LMF1: variants seen among roughly 807,000 people sequenced by gnomAD.
The protein encoded by LMF1 is lipase maturation factor 1, also known as transmembrane protein 112.
LMF1 carries 68 observed loss-of-function variants against 60.6 expected under a neutral mutation model. The ratio of observed to expected loss-of-function variants is 1.12; its 90% CI spans 0.92 to 1.37. The LOEUF (loss-of-function observed/expected upper bound fraction) is 1.37. Ranked by LOEUF, LMF1 falls within the 40% of genes most tolerant of loss-of-function variation. LMF1 has a pLI of 0.00. For synonymous variants in LMF1, 418 were observed against 324.7 expected (o/e 1.29, Z -3.09); for missense variants, 948 against 767.2 (o/e 1.24, Z -2.78).
chr16:976,847 C>A, intron 1 of LMF1: 1 of 454,158 alleles, frequency 2.2e-6, no homozygotes, highest in Non-Finnish European at 4.4e-6. Context: ...ATCCTTTCCA[C>A]ATGCGAACAG....
intron 2 of LMF1, among the ~76,000 whole-genome samples, chr16:952,173 G>C (rs1376653776): frequency 6.6e-6 from 1 of 152,146 alleles, no homozygotes; most frequent in Non-Finnish European, 1.5e-5. Context: ...GTTGAATGAG[G>C]TGACACACTC....
chr16:891,405 TG>T (rs2070484272), intron 5 of LMF1, among the ~76,000 whole-genome samples: 2 of 152,332 alleles, frequency 1.3e-5, no homozygotes, highest in African/African-American at 2.4e-5. Context: ...TGTTTGTTTG[TG>T]GGGACATGGT....
intron 3 of LMF1, among the ~76,000 whole-genome samples, chr16:922,605 T>C (rs1287090709): frequency 4.1e-5 from 6 of 146,070 alleles, no homozygotes. Flanking sequence ...TTTTCTGGTG[T>C]GATGTGGTGT....
intron 10 of LMF1, among the ~76,000 whole-genome samples, chr16:862,218 G>A (rs555211295): frequency 2.7e-5 from 4 of 149,282 alleles, no homozygotes; most frequent in East Asian, 2.0e-4. Flanking sequence ...CTCTGTTGCC[G>A]AGGCTGGAGT....
rs2070079855 is a variant in LMF1, at chr16:878,990, G to A, written c.897+580C>T. ...TCGGGACTGGCCCAGCCCCCCTGGAGGCAGCGTGGGGGTGCTCTGTCCTTC... is the reference window on the plus strand; with the variant it reads ...TCGGGACTGGCCCAGCCCCCCTGGAAGCAGCGTGGGGGTGCTCTGTCCTTC... On this transcript the variant is annotated intron_variant, in intron 6 of 10. Transcript: ENST00000262301. This position sits in a 1 kb window ranked among gnomAD's most constrained non-coding sequence, Gnocchi z 5.2. Among the ~76,000 whole-genome samples, 1 of 152,180 alleles carries A rather than the reference G, an allele frequency of 6.6e-6. No homozygotes were observed. Among genetic ancestry groups the A allele is most frequent in the East Asian group, 1.9e-4 (1 of 5,190 alleles).
rs59297838 is a variant in LMF1 at position 923,573 on chromosome 16, C to T, written c.514+10671G>A. Among the ~76,000 whole-genome samples, 925 of 152,196 alleles carry T rather than the reference C, an allele frequency of 6.1e-3. 13 individuals are homozygous for T. The highest frequency in any genetic ancestry group is 0.021 in the African/African-American group (861 of 41,524). Reference sequence around the variant, plus strand: ...CTAGCCTGAGCAACAGAGCAAGATCCCAGCTCTAAAAAAGAGAAATCCTCC... The same window carrying T: ...CTAGCCTGAGCAACAGAGCAAGATCTCAGCTCTAAAAAAGAGAAATCCTCC... On this transcript the variant is annotated intron_variant, in intron 3 of 10. Coordinates refer to ENST00000262301, the MANE Select transcript of LMF1 (RefSeq NM_022773.4).
rs1156928442 is a variant in LMF1, at chr16:874,065, G to A, written c.898-2724C>T. ...GGCGGGTGTGAGGGTCTCCTTTGCC[G>A]GGTGTGGGGGGGGTATGGGAAGTTC... On this transcript the variant is annotated intron_variant, in intron 6 of 10. Transcript: ENST00000262301. This position sits in a 1 kb window ranked among gnomAD's most constrained non-coding sequence, Gnocchi z 4.1. Among the ~76,000 whole-genome samples, 1 of 152,228 alleles carries A rather than the reference G, an allele frequency of 6.6e-6. No individual in the cohort carries two copies. Among genetic ancestry groups the A allele is most frequent in the Admixed American group, 6.5e-5 (1 of 15,294 alleles).
intron 1 of LMF1, chr16:968,360 G>A (rs2072969929): frequency 6.6e-6 from 1 of 152,220 alleles, no homozygotes; most frequent in Non-Finnish European, 1.5e-5. Flanking sequence ...TTTAACAAGG[G>A]GAGTTTCCAC....
At chr16:919,477 G>C (rs773842468) in intron 3 of LMF1, among the ~76,000 whole-genome samples, 3 of 152,228 alleles carry the variant, frequency 2.0e-5, no homozygotes, top group Admixed American at 2.0e-4. Context: ...GCGCTCGCGT[G>C]AGGACAGCAG....
chr16:964,295 CAAAAAAA>C (rs68176791), intron 1 of LMF1, among the ~76,000 whole-genome samples: 6 of 63,826 alleles, frequency 9.4e-5, no homozygotes, highest in Non-Finnish European at 1.3e-4. Context: ...AACTCTGTCT[CAAAAAAA>C]AAAAAAAAAA....
chr16:954,011 C>A (rs781421756), intron 2 of LMF1, among the ~76,000 whole-genome samples: 2 of 107,472 alleles, frequency 1.9e-5, no homozygotes, highest in Non-Finnish European at 3.9e-5. Flanking sequence ...TCCTACACGT[C>A]CACACAGACA....
intron 2 of LMF1, among the ~76,000 whole-genome samples, chr16:934,767 C>T (rs556111035): frequency 1.3e-5 from 2 of 152,344 alleles, no homozygotes; most frequent in South Asian, 2.1e-4. Context: ...ACAGCAGAGG[C>T]GTGGGCAAGC....
rs368805282 is a variant in LMF1, at chr16:870,775, G to A, written c.1186C>T (p.His396Tyr). Residue 396 changes from histidine (H) to tyrosine (Y), a missense_variant, in exon 8 of 11, where the codon CAC (histidine) becomes TAC (tyrosine). His to Tyr is a moderately conservative substitution (Grantham distance 83). Coordinates refer to ENST00000262301, the MANE Select transcript of LMF1 (RefSeq NM_022773.4). ...LLSSRQVMNT[H>Y]FNSLHIVNTY... ...TTGACGATGTGAAGAGAGTTGAAGT[G>A]GGTGTTCATGACCTGCCTGGAGCTC... is the stretch of plus-strand genomic sequence containing the variant. 75 of 1,612,770 alleles carry A rather than the reference G, an allele frequency of 4.7e-5. No homozygotes were observed. In the African/African-American group the frequency reaches 8.7e-4, roughly 19 times the overall value.
intron 3 of LMF1, among the ~76,000 whole-genome samples, chr16:919,529 C>T (rs111342528): frequency 0.027 from 1,880 of 70,136 alleles, 23 homozygotes; most frequent in South Asian, 0.21. Flanking sequence ...ACAAGGGGCC[C>T]GGAGGCCGCT....
At chr16:904,840 T>C (rs2070931277) in intron 4 of LMF1, 1 of 83,410 alleles carries the variant, frequency 1.2e-5, no homozygotes, top group African/African-American at 8.4e-5. Flanking sequence ...CTCTGCTGCG[T>C]GGTGGTGACC....
intron 3 of LMF1, among the ~76,000 whole-genome samples, chr16:916,600 G>A (rs1421206846): frequency 6.6e-6 from 1 of 152,162 alleles, no homozygotes; most frequent in Non-Finnish European, 1.5e-5. Context: ...TGGCGGGGCT[G>A]GGCACTGGTA....
chr16:954,066 C>CCACACCAGCTTCCT (rs1457429410), intron 2 of LMF1, among the ~76,000 whole-genome samples: 1 of 151,930 alleles, frequency 6.6e-6, no homozygotes, highest in African/African-American at 2.4e-5. Context: ...GACACAGACC[C>CCACACCAGCTTCCT]ACTGCTTCTG....
At chr16:860,254 A>T (rs2069419188) in intron 10 of LMF1, among the ~76,000 whole-genome samples, 1 of 152,000 alleles carries the variant, frequency 6.6e-6, no homozygotes, top group African/African-American at 2.4e-5. Context: ...AATGAATTTC[A>T]ATTAATTTTT....
Position 878,991 on chromosome 16 carries a change from G to A in LMF1, c.897+579C>T, listed in dbSNP as rs2151713023. 6.6e-6 allele frequency among the ~76,000 whole-genome samples: 1 copy of A among 152,256 alleles called. No homozygotes were observed. The highest frequency in any genetic ancestry group is 3.4e-3 in the Middle Eastern group (1 of 294). On this transcript the variant is annotated intron_variant, in intron 6 of 10. Coordinates refer to ENST00000262301, the MANE Select transcript of LMF1 (RefSeq NM_022773.4). The surrounding 1 kb of genome is among the most constrained non-coding windows in gnomAD (Gnocchi z 5.2). The stretch of plus-strand genomic sequence containing the variant: ...CGGGACTGGCCCAGCCCCCCTGGAG[G>A]CAGCGTGGGGGTGCTCTGTCCTTCG...
Sources: allele counts gnomAD v4.1 joint callset (sites outside exome capture counted in the v4.1 genomes callset), GRCh38; gene constraint gnomAD v4.1.1; non-coding constraint Gnocchi (gnomAD v3.1); transcripts MANE v1.5; gene names NCBI Gene and HGNC (gene_info 2026-07-23, HGNC 2026-07-21).